NRXN1: variants seen among roughly 807,000 people sequenced by gnomAD.
NRXN1 encodes neurexin-1.
In NRXN1, 39 loss-of-function variants were observed where a neutral mutation model predicts 150.9. The ratio of observed to expected loss-of-function variants is 0.26; its 90% CI spans 0.20 to 0.34. The LOEUF (loss-of-function observed/expected upper bound fraction) is 0.34. Ranked by LOEUF, NRXN1 falls within the 10% of genes least tolerant of loss-of-function variation. The pLI, the probability that NRXN1 is intolerant of heterozygous loss-of-function variation, is 1.00. For synonymous variants in NRXN1, 924 were observed against 757.0 expected (o/e 1.22, Z -3.62); for missense variants, 1,815 against 1,949.9 (o/e 0.93, Z 1.30).
chr2:50,439,088 T>G (rs2085697318), intron 17 of NRXN1, among the ~76,000 whole-genome samples: 3 of 152,188 alleles, frequency 2.0e-5, no homozygotes. Flanking sequence ...CAAAATTGTG[T>G]CTGTAGGATC....
At chr2:49,995,861 T>TAAAAAAAA (rs60974625) in intron 21 of NRXN1, among the ~76,000 whole-genome samples, 1 of 66,174 alleles carries the variant, frequency 1.5e-5, no homozygotes, top group African/African-American at 5.4e-5. Context: ...TGCTGGATAG[T>TAAAAAAAA]AAAAAAAAAA....
intron 5 of NRXN1, among the ~76,000 whole-genome samples, chr2:50,680,495 C>T (rs946048695): frequency 1.3e-5 from 2 of 151,994 alleles, no homozygotes; most frequent in Non-Finnish European, 1.5e-5. Flanking sequence ...TAAAGAGCAA[C>T]ATTGTTATAA....
intron 2 of NRXN1, among the ~76,000 whole-genome samples, chr2:50,928,883 T>C (rs544334604): frequency 2.5e-4 from 38 of 152,242 alleles, no homozygotes; most frequent in Non-Finnish European, 4.9e-4. Context: ...TCATTAACTT[T>C]ACTACGATGA....
At chr2:50,335,377 C>T (rs2077112392) in intron 17 of NRXN1, among the ~76,000 whole-genome samples, 3 of 152,138 alleles carry the variant, frequency 2.0e-5, no homozygotes, top group African/African-American at 4.8e-5. Context: ...GGCTAGGAAG[C>T]ACTGTTTCTC....
At chr2:50,870,402 A>AT (rs1486429070) in intron 5 of NRXN1, among the ~76,000 whole-genome samples, 2 of 151,786 alleles carry the variant, frequency 1.3e-5, no homozygotes, top group African/African-American at 4.8e-5. Flanking sequence ...AGCTCAAGGG[A>AT]TCCCCCCGCC....
At chr2:50,730,403 A>G (rs1697941774) in intron 5 of NRXN1, among the ~76,000 whole-genome samples, 1 of 152,162 alleles carries the variant, frequency 6.6e-6, no homozygotes, top group South Asian at 2.1e-4. Context: ...AAAGGAATCA[A>G]GCATAACTTT....
chr2:50,265,920 AAGAT>A (rs1353082040), intron 17 of NRXN1, among the ~76,000 whole-genome samples: 1 of 151,562 alleles, frequency 6.6e-6, no homozygotes, highest in Non-Finnish European at 1.5e-5. Flanking sequence ...CGGTCACACA[AAGAT>A]AGAGGTTTGA....
At chr2:50,076,459 T>G (rs1381002596) in intron 19 of NRXN1, among the ~76,000 whole-genome samples, 1 of 152,214 alleles carries the variant, frequency 6.6e-6, no homozygotes. Flanking sequence ...ATAACTCATT[T>G]AAACATCAAA....
At chr2:50,967,565 G>A (rs1015978095) in intron 2 of NRXN1, among the ~76,000 whole-genome samples, 1 of 151,914 alleles carries the variant, frequency 6.6e-6, no homozygotes, top group Non-Finnish European at 1.5e-5. Flanking sequence ...ATCATTAAGA[G>A]CCCAAAATAT....
chr2:50,032,789 T>C (rs1338268469), intron 21 of NRXN1, among the ~76,000 whole-genome samples: 1 of 151,896 alleles, frequency 6.6e-6, no homozygotes. Flanking sequence ...AGAGGGTGGC[T>C]GTCTGCAAGC....
chr2:50,670,998 G>A lies in NRXN1; in HGVS notation c.833-47383C>T, dbSNP rs528139090. On this transcript the variant is annotated intron_variant, in intron 5 of 22. Transcript: ENST00000401669. Reference sequence around the variant, plus strand: ...AAATACCATTGGAAAGACACTTTAAGATTATGTAAATATCTTTTCTCTTCT... The same window carrying A: ...AAATACCATTGGAAAGACACTTTAAAATTATGTAAATATCTTTTCTCTTCT... 2.7e-3 allele frequency among the ~76,000 whole-genome samples: 408 copies of A among 151,912 alleles called. 2 individuals carry two copies. Among genetic ancestry groups the A allele is most frequent in the Non-Finnish European group, 4.6e-3 (315 of 67,834 alleles).
chr2:50,532,370 ATATAGCTTAAC>A (rs770046255), intron 10 of NRXN1, among the ~76,000 whole-genome samples: 5 of 82,962 alleles, frequency 6.0e-5, no homozygotes, highest in East Asian at 3.2e-4. Flanking sequence ...AAAAAAAGAA[ATATAGCTTAAC>A]TATAGGAACT....
chr2:49,991,962 T>C (rs967583519), intron 21 of NRXN1, among the ~76,000 whole-genome samples: 3 of 152,194 alleles, frequency 2.0e-5, no homozygotes, highest in Non-Finnish European at 4.4e-5. Context: ...ATCTTTGATA[T>C]AGAGCAAAGG....
At chr2:50,335,054 T>C (rs1039858061) in intron 17 of NRXN1, among the ~76,000 whole-genome samples, 1 of 152,166 alleles carries the variant, frequency 6.6e-6, no homozygotes, top group African/African-American at 2.4e-5. Flanking sequence ...CAGGTGATCA[T>C]AGAGCTTAAA....
chr2:50,244,906 A>G (rs1381603268), intron 17 of NRXN1, among the ~76,000 whole-genome samples: 3 of 151,878 alleles, frequency 2.0e-5, no homozygotes, highest in Non-Finnish European at 2.9e-5. Flanking sequence ...CTGATTAATG[A>G]AAACCTAAGA....
chr2:49,939,044 C>T (rs1371456739), intron 22 of NRXN1, among the ~76,000 whole-genome samples: 2 of 152,080 alleles, frequency 1.3e-5, no homozygotes, highest in Non-Finnish European at 2.9e-5. Context: ...GTGTGAAAAA[C>T]AAAGTCTTGG....
chr2:50,856,567 G>C (rs1327887962), intron 5 of NRXN1, among the ~76,000 whole-genome samples: 1 of 151,906 alleles, frequency 6.6e-6, no homozygotes, highest in African/African-American at 2.4e-5. Flanking sequence ...TTTATTCTAG[G>C]TTTATCATTC....
intron 5 of NRXN1, among the ~76,000 whole-genome samples, chr2:50,674,984 G>A (rs1689350718): frequency 6.6e-6 from 1 of 151,808 alleles, no homozygotes; most frequent in African/African-American, 2.4e-5. Context: ...GAGGGCAGAT[G>A]ATCCCTCAGA....
At position 50,759,828 on chromosome 2, in the gene NRXN1, G is replaced by GTGTA. The variant is rs1173347950; in HGVS notation, c.833-136214_833-136213insTACA. ...TTAGCACTATCAATCTAACTAAGCT[G>GTGTA]TGTGTGTGTGTGTGTGTGTGTGTGT... is the stretch of plus-strand genomic sequence containing the variant. On this transcript the variant is annotated intron_variant, in intron 5 of 22. Transcript: ENST00000401669. Among the ~76,000 whole-genome samples the GTGTA allele has an allele frequency of 2.5e-3, 41 of 16,486 alleles. No homozygotes were observed. In the East Asian group the frequency reaches 0.31, roughly 126 times the overall value. 10.8% of individuals were successfully genotyped at this position (16,486 alleles called of 152,430 possible). A position where few individuals can be genotyped will look rare whatever the true frequency, so the allele number is the denominator to read the frequency against.
Sources: gnomAD v4.1 joint callset for allele counts (sites outside exome capture counted in the v4.1 genomes callset) on GRCh38, gnomAD v4.1.1 for gene constraint, MANE v1.5 for transcripts, NCBI Gene and HGNC (gene_info 2026-07-23, HGNC 2026-07-21) for gene names.